Variants in SMIM10L3 observed in about 807,000 individuals in gnomAD.
The protein encoded by SMIM10L3 is small integral membrane protein 10 like 3, also known as salivary gland specific protein SAGSIN1.
chr7:6,335,020 G>T, the SMIM10L3 span, among the ~76,000 whole-genome samples: 1 of 151,982 alleles, frequency 6.6e-6, no homozygotes, highest in African/African-American at 2.4e-5. Context: ...ACCCGCCTTG[G>T]CCTCCCAAAG....
the SMIM10L3 span, among the ~76,000 whole-genome samples, chr7:6,343,108 G>T: frequency 6.6e-6 from 1 of 151,446 alleles, no homozygotes; most frequent in Non-Finnish European, 1.5e-5. Flanking sequence ...CAGGTGCAGT[G>T]GCTTACACCT....
chr7:6,347,861 C>A, the SMIM10L3 span, among the ~76,000 whole-genome samples: 2 of 149,142 alleles, frequency 1.3e-5, no homozygotes, highest in Admixed American at 1.3e-4. Context: ...CGAGACCAGC[C>A]TGGGCAACAT....
At chr7:6,336,356 A>T in the SMIM10L3 span, among the ~76,000 whole-genome samples, 3 of 151,144 alleles carry the variant, frequency 2.0e-5, no homozygotes, top group African/African-American at 7.3e-5. Flanking sequence ...CTCAAAAAAG[A>T]AAAGAAAAAA....
chr7:6,334,536 C>T, the SMIM10L3 span, among the ~76,000 whole-genome samples: 1 of 152,058 alleles, frequency 6.6e-6, no homozygotes. Flanking sequence ...GGCAGGATCA[C>T]AGCTTACTGC....
the SMIM10L3 span, among the ~76,000 whole-genome samples, chr7:6,338,983 A>T: frequency 6.6e-6 from 1 of 152,130 alleles, no homozygotes; most frequent in African/African-American, 2.4e-5. Flanking sequence ...ACGCTAGCAC[A>T]CCTTAACTCA....
chr7:6,344,151 A>C, the SMIM10L3 span, among the ~76,000 whole-genome samples: 1 of 151,820 alleles, frequency 6.6e-6, no homozygotes, highest in East Asian at 1.9e-4. Context: ...AGAACAAGAA[A>C]AAAAAAAAAA....
the SMIM10L3 span, chr7:6,330,572 T>C: frequency 1.2e-6 from 2 of 1,614,078 alleles, no homozygotes; most frequent in African/African-American, 1.3e-5. Flanking sequence ...ACGTGCAGCG[T>C]TGCAGACAGG....
the SMIM10L3 span, chr7:6,348,650 C>T: frequency 2.0e-6 from 1 of 508,874 alleles, no homozygotes. Context: ...CAGGCCAGGT[C>T]GAAGAAGATG....
the SMIM10L3 span, chr7:6,330,006 T>C: frequency 2.1e-5 from 5 of 236,210 alleles, no homozygotes; most frequent in Non-Finnish European, 4.4e-5. Context: ...CCACTTCCAT[T>C]GGGTGATCAG....
chr7:6,347,803 C>T, the SMIM10L3 span, among the ~76,000 whole-genome samples: 1 of 151,208 alleles, frequency 6.6e-6, no homozygotes, highest in South Asian at 2.1e-4. Flanking sequence ...TGCCTATAAT[C>T]CCAGCACTGG....
At chr7:6,341,704 A>C in the SMIM10L3 span, among the ~76,000 whole-genome samples, 1 of 149,852 alleles carries the variant, frequency 6.7e-6, no homozygotes, top group Non-Finnish European at 1.5e-5. Flanking sequence ...AAAAAAAAAA[A>C]TTATGAGTGC....
At chr7:6,338,048 C>T in the SMIM10L3 span, among the ~76,000 whole-genome samples, 1 of 152,110 alleles carries the variant, frequency 6.6e-6, no homozygotes, top group Non-Finnish European at 1.5e-5. Context: ...AGGTGATCCA[C>T]CTGCCTCAGC....
the SMIM10L3 span, among the ~76,000 whole-genome samples, chr7:6,341,573 C>T: frequency 6.7e-6 from 1 of 150,054 alleles, no homozygotes; most frequent in Admixed American, 6.7e-5. Context: ...GCCTGTAGTC[C>T]CAGCTACTCG....
At chr7:6,348,542 G>A in the SMIM10L3 span, 1 of 423,688 alleles carries the variant, frequency 2.4e-6, no homozygotes, top group African/African-American at 2.0e-5. Context: ...CTCGGGGAGG[G>A]CCGGGGGCCG....
chr7:6,337,911 C>G, the SMIM10L3 span, among the ~76,000 whole-genome samples: 1 of 151,604 alleles, frequency 6.6e-6, no homozygotes, highest in Non-Finnish European at 1.5e-5. Context: ...TCAAGCAATT[C>G]TCCTGCCTCA....
At chr7:6,340,829 G>C in the SMIM10L3 span, among the ~76,000 whole-genome samples, 7 of 148,782 alleles carry the variant, frequency 4.7e-5, no homozygotes, top group Non-Finnish European at 1.0e-4. Flanking sequence ...AACCCGGGAG[G>C]CGGAGCTGGC....
the SMIM10L3 span, among the ~76,000 whole-genome samples, chr7:6,336,244 G>C: frequency 6.6e-6 from 1 of 151,898 alleles, no homozygotes; most frequent in Non-Finnish European, 1.5e-5. Context: ...CACTTGAGAG[G>C]CTGAGGTAGG....
At chr7:6,345,363 C>G in the SMIM10L3 span, among the ~76,000 whole-genome samples, 1 of 152,098 alleles carries the variant, frequency 6.6e-6, no homozygotes, top group African/African-American at 2.4e-5. Flanking sequence ...GATCCTCCCA[C>G]CTCAGTCTCC....
At chr7:6,338,569 C>T in the SMIM10L3 span, 1 of 152,274 alleles carries the variant, frequency 6.6e-6, no homozygotes, top group Non-Finnish European at 1.5e-5. Flanking sequence ...AACACAAAGC[C>T]AGGGAGGTCA....
Sources: allele counts gnomAD v4.1 joint callset (sites outside exome capture counted in the v4.1 genomes callset), GRCh38; gene constraint gnomAD v4.1.1; transcripts MANE v1.5; gene names NCBI Gene and HGNC (gene_info 2026-07-23, HGNC 2026-07-21).